The following STK32B variants were observed in gnomAD, a reference collection of about 807,000 sequenced individuals.
STK32B encodes serine/threonine-protein kinase 32B.
STK32B carries 43 observed loss-of-function variants against 52.6 expected under a neutral mutation model. The ratio of observed to expected loss-of-function variants is 0.82; its 90% CI spans 0.64 to 1.05. The LOEUF (loss-of-function observed/expected upper bound fraction) is 1.05, where lower values mean the gene tolerates loss of function less well. STK32B is among the 50% of genes least tolerant of loss of function. The pLI is 0.00. For missense variants in STK32B, 621 were observed against 534.6 expected (o/e 1.16, Z -1.59); for synonymous variants, 238 against 204.3 (o/e 1.17, Z -1.41).
intron 3 of STK32B, among the ~76,000 whole-genome samples, chr4:5,177,165 G>T (rs1240149986): frequency 6.6e-6 from 1 of 152,192 alleles, no homozygotes; most frequent in Admixed American, 6.5e-5. Context: ...ATAAAGGAAA[G>T]AAGTTTAATT....
At chr4:5,143,308 CACATGAGTTT>C (rs1333559700) in intron 2 of STK32B, among the ~76,000 whole-genome samples, 1 of 152,180 alleles carries the variant, frequency 6.6e-6, no homozygotes, top group Non-Finnish European at 1.5e-5. Context: ...CAAACTGTTT[CACATGAGTTT>C]ACTCTTGTCT....
At chr4:5,202,894 CAACAG>C (rs1722269854) in intron 3 of STK32B, among the ~76,000 whole-genome samples, 1 of 152,156 alleles carries the variant, frequency 6.6e-6, no homozygotes, top group Non-Finnish European at 1.5e-5. Context: ...TGGTGGGTGT[CAACAG>C]AAATAGCTTA....
chr4:5,140,399 TC>T (rs1278831101), intron 2 of STK32B: 25 of 914,756 alleles, frequency 2.7e-5, no homozygotes, highest in Admixed American at 3.7e-5. Flanking sequence ...ACAAAAATAC[TC>T]CCCCCAGTCA....
chr4:5,334,048 A>T (rs939502534), intron 4 of STK32B, among the ~76,000 whole-genome samples: 1 of 152,114 alleles, frequency 6.6e-6, no homozygotes, highest in African/African-American at 2.4e-5. Context: ...ATGGCATAGA[A>T]TCTATAAATT....
At chr4:5,200,273 G>A (rs1166498780) in intron 3 of STK32B, among the ~76,000 whole-genome samples, 1 of 139,096 alleles carries the variant, frequency 7.2e-6, no homozygotes, top group East Asian at 2.1e-4. Flanking sequence ...TTTTTTAATT[G>A]CCTTGCTCTC....
At chr4:5,123,654 G>A (rs1340263390) in intron 1 of STK32B, among the ~76,000 whole-genome samples, 2 of 152,110 alleles carry the variant, frequency 1.3e-5, no homozygotes, top group Non-Finnish European at 2.9e-5. Context: ...GGGTGCATCT[G>A]TGTTCTTATC....
chr4:5,464,649 G>C (rs1272204149), intron 9 of STK32B, among the ~76,000 whole-genome samples: 1 of 152,192 alleles, frequency 6.6e-6, no homozygotes, highest in Non-Finnish European at 1.5e-5. Context: ...CCATTGTTCT[G>C]ATAACTTTGT....
intron 6 of STK32B, among the ~76,000 whole-genome samples, chr4:5,434,452 G>GTATATATATATATATA (rs1182103278): frequency 1.4e-4 from 20 of 143,144 alleles, no homozygotes; most frequent in Non-Finnish European, 2.3e-4. Context: ...GTGTGTGTGT[G>GTATATATATATATATA]TGTATATATA....
In STK32B at chr4:5,403,492, C is replaced by T. The variant is rs542018861; in HGVS notation, c.472+5248C>T. Among the ~76,000 whole-genome samples, 20 of 152,330 alleles carry T rather than the reference C, an allele frequency of 1.3e-4. No individual in the cohort carries two copies. The South Asian group carries it at 2.5e-3, about 19-fold the overall frequency. The stretch of plus-strand genomic sequence containing the variant: ...TCTCCCCTGCCCATGACATAGCCTG[C>T]GCCCTATTCTTGGGAACTGTAACAA... On this transcript the variant is annotated intron_variant, in intron 5 of 11. Transcript: ENST00000282908.
chr4:5,466,027 C>T (rs190060648), intron 9 of STK32B, among the ~76,000 whole-genome samples: 148 of 152,350 alleles, frequency 9.7e-4, no homozygotes, highest in Middle Eastern at 3.4e-3. Context: ...CCCCTGTGCG[C>T]GCCAAAGCTG....
At chr4:5,452,733 C>T (rs547192029) in intron 7 of STK32B, among the ~76,000 whole-genome samples, 13 of 152,216 alleles carry the variant, frequency 8.5e-5, no homozygotes, top group Admixed American at 4.6e-4. Context: ...GACAGACATC[C>T]GGCAATTCTT....
chr4:5,224,189 A>C (rs1723719459), intron 3 of STK32B, among the ~76,000 whole-genome samples: 1 of 152,220 alleles, frequency 6.6e-6, no homozygotes, highest in Middle Eastern at 3.2e-3. Flanking sequence ...ACGTGAGAAG[A>C]ATATGAATTT....
Position 5,168,292 on chromosome 4 carries a change from C to T in STK32B, c.109-7C>T, listed in dbSNP as rs143141663. 9.7e-5 allele frequency: 156 copies of T among 1,606,588 alleles called. No homozygotes were observed. In the African/African-American group the frequency reaches 1.7e-3, roughly 17 times the overall value. ...CCTGACTGTTCTCTCCTTTGGCTGT[C>T]GCTCAGGTATGCATCGTGCAGAAGC... On this transcript the variant is annotated splice_region_variant and splice_polypyrimidine_tract_variant and intron_variant, in intron 2 of 11. Transcript: ENST00000282908.
intron 1 of STK32B, among the ~76,000 whole-genome samples, chr4:5,087,579 T>C (rs1712803938): frequency 6.6e-6 from 1 of 151,760 alleles, no homozygotes; most frequent in South Asian, 2.1e-4. Flanking sequence ...AATAATTTGA[T>C]AGATAGATAG....
At chr4:5,090,489 C>T (rs1211983760) in intron 1 of STK32B, among the ~76,000 whole-genome samples, 3 of 151,282 alleles carry the variant, frequency 2.0e-5, no homozygotes, top group African/African-American at 7.3e-5. Flanking sequence ...CGTTCTCCTG[C>T]CTCAGCCTCC....
intron 1 of STK32B, among the ~76,000 whole-genome samples, chr4:5,097,011 GA>G (rs1713439658): frequency 6.6e-6 from 1 of 152,162 alleles, no homozygotes; most frequent in Non-Finnish European, 1.5e-5. Flanking sequence ...GAGAAAATAA[GA>G]AACTTATCCA....
intron 3 of STK32B, among the ~76,000 whole-genome samples, chr4:5,241,159 G>A (rs1273972925): frequency 6.6e-6 from 1 of 152,022 alleles, no homozygotes; most frequent in Non-Finnish European, 1.5e-5. Flanking sequence ...CATATCTGTG[G>A]CAATCCCAGC....
rs907942318 is a variant in STK32B at position 5,103,771 on chromosome 4, A to G, written c.53-36134A>G. On this transcript the variant is annotated intron_variant, in intron 1 of 11. Coordinates refer to ENST00000282908, the MANE Select transcript of STK32B (RefSeq NM_018401.3). ...TGTCATTTACACAGATGTAGTCCAC[A>G]TGTGAATGATTTAGGACTTCCATTA... Among the ~76,000 whole-genome samples the G allele has an allele frequency of 1.4e-4, 21 of 152,326 alleles. No individual in the cohort carries two copies. In the East Asian group the frequency reaches 3.5e-3, roughly 25 times the overall value.
intron 3 of STK32B, among the ~76,000 whole-genome samples, chr4:5,325,179 T>C (rs1043868835): frequency 1.3e-5 from 2 of 152,176 alleles, no homozygotes; most frequent in African/African-American, 4.8e-5. Context: ...TGCAAAAAAT[T>C]CCTGTTCCAC....
Sources: gnomAD v4.1 joint callset for allele counts (sites outside exome capture counted in the v4.1 genomes callset) on GRCh38, gnomAD v4.1.1 for gene constraint, MANE v1.5 for transcripts, NCBI Gene and HGNC (gene_info 2026-07-23, HGNC 2026-07-21) for gene names.